The following ATOH8 variants were observed in gnomAD, a reference collection of about 807,000 sequenced individuals.
ATOH8 encodes the protein atonal bHLH transcription factor 8, also known as transcription factor ATOH8.
In ATOH8, 9 loss-of-function variants were observed where a neutral mutation model predicts 21.2. The observed-to-expected ratio is 0.42, with a 90% CI of 0.26 to 0.74. The LOEUF (loss-of-function observed/expected upper bound fraction) is 0.74. Among genes scored for constraint, ATOH8 ranks in the 30% least tolerant of loss-of-function variants. The pLI is 0.24. For synonymous variants in ATOH8, 253 were observed against 224.0 expected (o/e 1.13, Z -1.16); for missense variants, 524 against 470.9 (o/e 1.11, Z -1.04).
rs918894791 is a variant in ATOH8, at chr2:85,754,060, G to C, written c.-130G>C. On this transcript the variant is annotated 5_prime_UTR_variant, in exon 1 of 3. Transcript: ENST00000306279. ...CCCGAAGCCGGCGGCGCAGCTGCCC[G>C]GGGCGAGGGGGAGAAAGGGAGAGAG... 2.2e-5 allele frequency: 26 copies of C among 1,185,984 alleles called. No individual in the cohort carries two copies. The highest frequency in any genetic ancestry group is 2.7e-5 in the Non-Finnish European group (24 of 904,912). The allele number at this position is 1,185,984 out of a possible 1,614,324, so 73.5% of individuals were successfully genotyped here.
intron 2 of ATOH8, among the ~76,000 whole-genome samples, chr2:85,764,741 G>A (rs1279380882): frequency 1.3e-5 from 2 of 152,182 alleles, no homozygotes; most frequent in Non-Finnish European, 2.9e-5. Context: ...TATGGTCCTG[G>A]TCCCCAGGCA....
intron 2 of ATOH8, among the ~76,000 whole-genome samples, chr2:85,777,074 C>T (rs1341649018): frequency 6.6e-6 from 1 of 152,196 alleles, no homozygotes; most frequent in East Asian, 1.9e-4. Context: ...CTGCCCTGCA[C>T]ATCTACTTAA....
At chr2:85,771,289 ACCTCTCTGATCCCCAGT>A (rs1680174428) in intron 2 of ATOH8, among the ~76,000 whole-genome samples, 1 of 151,878 alleles carries the variant, frequency 6.6e-6, no homozygotes, top group Admixed American at 6.6e-5. Context: ...ATGTTATTTG[ACCTCTCTGATCCCCAGT>A]CCTCTCATCT....
chr2:85,760,547 A>G (rs1679839029), intron 1 of ATOH8, among the ~76,000 whole-genome samples: 1 of 152,208 alleles, frequency 6.6e-6, no homozygotes, highest in Admixed American at 6.5e-5. Flanking sequence ...CACGAGTTCA[A>G]AACGCAGCTC....
Position 85,754,089 on chromosome 2 carries a change from G to A in ATOH8, c.-101G>A. 2 of 1,320,724 alleles carry A rather than the reference G, an allele frequency of 1.5e-6. No individual in the cohort carries two copies. The highest frequency in any genetic ancestry group is 1.7e-5 in the South Asian group (1 of 57,556). 81.8% of individuals were successfully genotyped at this position (1,320,724 alleles called of 1,614,324 possible). On this transcript the variant is annotated 5_prime_UTR_variant, in exon 1 of 3. Coordinates refer to ENST00000306279, the MANE Select transcript of ATOH8 (RefSeq NM_032827.7). ...CGAGGGGGAGAAAGGGAGAGAGGGA[G>A]GGGGAGGGCGGGCGAAGCGGGAGAG...
At chr2:85,780,906 G>C (rs1680466366) in intron 2 of ATOH8, 1 of 986,150 alleles carries the variant, frequency 1.0e-6, no homozygotes, top group African/African-American at 1.7e-5. Context: ...GTCACCCATG[G>C]CACCCAGGCC....
intron 2 of ATOH8, among the ~76,000 whole-genome samples, chr2:85,772,415 C>G (rs1443777580): frequency 4.6e-5 from 7 of 152,218 alleles, no homozygotes; most frequent in South Asian, 2.1e-4. Context: ...CCGCGGCCCC[C>G]CCTCCTGGCA....
At chr2:85,765,700 C>T (rs1422879077) in intron 2 of ATOH8, among the ~76,000 whole-genome samples, 1 of 152,176 alleles carries the variant, frequency 6.6e-6, no homozygotes, top group South Asian at 2.1e-4. Context: ...CACTGCCCTA[C>T]CCCCGCACCC....
chr2:85,784,761 A>T (rs1680580636), intron 2 of ATOH8, among the ~76,000 whole-genome samples: 1 of 152,208 alleles, frequency 6.6e-6, no homozygotes, highest in South Asian at 2.1e-4. Flanking sequence ...CTCACTGTAC[A>T]AGTGACGGAA....
intron 2 of ATOH8, among the ~76,000 whole-genome samples, chr2:85,771,067 C>T (rs571702504): frequency 5.9e-5 from 9 of 152,242 alleles, no homozygotes; most frequent in Admixed American, 2.6e-4. Context: ...GCTCTCGGGA[C>T]GCTGGAGAAG....
In ATOH8 at chr2:85,787,162, T is replaced by A; in HGVS notation, c.*272T>A. The A allele has an allele frequency of 6.7e-6, 3 of 448,540 alleles. No homozygotes were observed. The South Asian group carries it at 1.5e-4, about 23-fold the overall frequency. The allele number at this position is 448,540 out of a possible 1,614,324, so 27.8% of individuals were successfully genotyped here. On this transcript the variant is annotated 3_prime_UTR_variant, in exon 3 of 3. Coordinates refer to ENST00000306279, the MANE Select transcript of ATOH8 (RefSeq NM_032827.7). The stretch of plus-strand genomic sequence containing the variant: ...GACTCACTCAGACCCCAAGGCCCAC[T>A]GTCCAGCTGCAGAAATTCGTTGCCA...
In ATOH8 at chr2:85,764,080, T is replaced by A. The variant is rs1412827056; in HGVS notation, c.858T>A (p.Ala286=). 1.2e-6 allele frequency: 2 copies of A among 1,614,166 alleles called. No individual in the cohort carries two copies. Among genetic ancestry groups the A allele is most frequent in the East Asian group, 2.2e-5 (1 of 44,864 alleles). The part of the protein sequence containing the change: ...CNYILSLARL[A]DLDYSADHSN... ...ACATCCTGTCCCTGGCGCGGCTGGC[T>A]GACCTTGACTACAGTGCCGACCACA... The change falls in exon 2 of 3, where the codon GCT becomes GCA. Residue 286 remains alanine (A), a synonymous_variant. Transcript: ENST00000306279.
intron 1 of ATOH8, among the ~76,000 whole-genome samples, chr2:85,755,374 T>C (rs1324464057): frequency 6.6e-6 from 1 of 152,074 alleles, no homozygotes; most frequent in East Asian, 1.9e-4. Context: ...AACGCTGCGG[T>C]GGGACAGTCC....
intron 2 of ATOH8, among the ~76,000 whole-genome samples, chr2:85,777,087 A>G (rs1014537287): frequency 1.6e-4 from 24 of 152,364 alleles, no homozygotes; most frequent in African/African-American, 5.8e-4. Flanking sequence ...CTACTTAAGA[A>G]TAAATCGCCC....
chr2:85,767,971 A>G (rs1210672209), intron 2 of ATOH8, among the ~76,000 whole-genome samples: 1 of 152,210 alleles, frequency 6.6e-6, no homozygotes, highest in Admixed American at 6.5e-5. Flanking sequence ...CCCACCACAC[A>G]GGGTCTGGAT....
rs1174913696 is a variant in ATOH8 at position 85,790,457 on chromosome 2, G to C, written c.*3567G>C. Among the ~76,000 whole-genome samples the C allele has an allele frequency of 6.6e-6, 1 of 152,226 alleles. No individual in the cohort carries two copies. Among genetic ancestry groups the C allele is most frequent in the African/African-American group, 2.4e-5 (1 of 41,472 alleles). ...CTGCCCACAGACTGTGCTGCTTCCT[G>C]GGTCTGGCCTGAGACTATCCCAGAA... On this transcript the variant is annotated 3_prime_UTR_variant, in exon 3 of 3. Coordinates refer to ENST00000306279, the MANE Select transcript of ATOH8 (RefSeq NM_032827.7).
chr2:85,782,180 A>G (rs1680513537), intron 2 of ATOH8, among the ~76,000 whole-genome samples: 1 of 152,202 alleles, frequency 6.6e-6, no homozygotes, highest in South Asian at 2.1e-4. Context: ...CCTTTTTAGG[A>G]AAGACCAATT....
rs1680636469 is a variant in ATOH8, at chr2:85,786,975, C to G, written c.*85C>G. On this transcript the variant is annotated 3_prime_UTR_variant, in exon 3 of 3. Transcript: ENST00000306279. ...ACAAGGTGAGCTCGCTGAGTCCAGC[C>G]TCGTGGTCTTCTCCAAGATGCCGCC... The G allele has an allele frequency of 2.5e-6, 4 of 1,583,014 alleles. No homozygotes were observed. The highest frequency in any genetic ancestry group is 1.3e-5 in the African/African-American group (1 of 74,414).
chr2:85,787,045 T>G lies in ATOH8; in HGVS notation c.*155T>G, dbSNP rs1340418725. ...TCTCAGGGTCGGATCGGAGCACGCCTGCCTCCCTCTCCCCTCCGCCCTCAC... is the reference window on the plus strand; with the variant it reads ...TCTCAGGGTCGGATCGGAGCACGCCGGCCTCCCTCTCCCCTCCGCCCTCAC... On this transcript the variant is annotated 3_prime_UTR_variant, in exon 3 of 3. Coordinates refer to ENST00000306279, the MANE Select transcript of ATOH8 (RefSeq NM_032827.7). 1.6e-5 allele frequency: 15 copies of G among 919,224 alleles called. No homozygotes were observed. Among genetic ancestry groups the G allele is most frequent in the Non-Finnish European group, 2.3e-5 (14 of 604,060 alleles). 56.9% of individuals were successfully genotyped at this position (919,224 alleles called of 1,614,324 possible). A position where few individuals can be genotyped will look rare whatever the true frequency, so the allele number is the denominator to read the frequency against.
Sources: gnomAD v4.1 joint callset for allele counts (sites outside exome capture counted in the v4.1 genomes callset) on GRCh38, gnomAD v4.1.1 for gene constraint, MANE v1.5 for transcripts, NCBI Gene and HGNC (gene_info 2026-07-23, HGNC 2026-07-21) for gene names.